H2BC1: variants seen among roughly 807,000 people sequenced by gnomAD.
H2BC1 encodes H2B clustered histone 1.
Under a neutral mutation model 5.4 loss-of-function variants are expected in H2BC1, and 5 were observed. The ratio of observed to expected loss-of-function variants is 0.92; its 90% confidence interval spans 0.48 to 1.94. H2BC1 has a LOEUF of 1.94. Ranked by LOEUF, H2BC1 falls within the 30% of genes most tolerant of loss-of-function variation. The pLI is 0.01. For synonymous variants in H2BC1, 131 were observed against 58.2 expected, an observed-to-expected ratio of 2.25 and a Z score of -5.69; for missense variants, 210 against 159.1, an observed-to-expected ratio of 1.32 and a Z score of -1.72.
chr6:25,726,868 T>C lies in H2BC1; in HGVS notation c.-41T>C, dbSNP rs370986340. The C allele has an allele frequency of 1.3e-6, 2 of 1,573,248 alleles. No homozygotes were observed. The highest frequency in any genetic ancestry group is 1.7e-6 in the Non-Finnish European group (2 of 1,162,436). On this transcript the variant is annotated 5_prime_UTR_variant, in exon 1 of 1. Coordinates refer to ENST00000274764, the MANE Select transcript of H2BC1 (RefSeq NM_170610.3). The stretch of plus-strand genomic sequence containing the variant: ...AGCACTGGAAAGTGCTGTGTAACCC[T>C]GGAAAAGAACCGTGTAACGCTGCAG...
rs1760276060 is a variant in H2BC1 at position 25,726,972 on chromosome 6, A to AT, written c.64_65insT (p.Lys22IlefsTer15). 2 of 1,614,078 alleles carry AT rather than the reference A, an allele frequency of 1.2e-6. No individual in the cohort carries two copies. Among genetic ancestry groups the AT allele is most frequent in the African/African-American group, 1.3e-5 (1 of 74,922 alleles). ...GAAGGGCTTTAAGAAAGCTGTCGTT[A>AT]AGACCCAGAAAAAGGAAGGCAAAAA... On this transcript the variant is annotated frameshift_variant, in exon 1 of 1. Transcript: ENST00000274764. LOFTEE classifies it low-confidence loss of function (END_TRUNC).
In H2BC1 at chr6:25,726,825, A is replaced by G. The variant is rs1760266415; in HGVS notation, c.-84A>G. Reference sequence around the variant, plus strand: ...GAGCTGAGGTCATTTGGAGCTGTTTAATACTGAAGAGCTGTTGAGCACTGG... The same window carrying G: ...GAGCTGAGGTCATTTGGAGCTGTTTGATACTGAAGAGCTGTTGAGCACTGG... On this transcript the variant is annotated 5_prime_UTR_variant, in exon 1 of 1. Transcript: ENST00000274764. 1 of 1,468,550 alleles carries G rather than the reference A, an allele frequency of 6.8e-7. No individual in the cohort carries two copies. The highest frequency in any genetic ancestry group is 9.2e-7 in the Non-Finnish European group (1 of 1,088,790). The allele number at this position is 1,468,550 out of a possible 1,614,324, so 91.0% of individuals were successfully genotyped here. A position where few individuals can be genotyped will look rare whatever the true frequency, so the allele number is the denominator to read the frequency against.
chr6:25,727,262 G>A lies in H2BC1; in HGVS notation c.354G>A (p.Lys118=), dbSNP rs1241678132. Reference sequence around the variant, plus strand: ...AACATGCTGTGTCTGAGGGCACCAAGGCTGTCACTAAGTACACCAGCTCCA... The same window carrying A: ...AACATGCTGTGTCTGAGGGCACCAAAGCTGTCACTAAGTACACCAGCTCCA... ...LAKHAVSEGT[K]AVTKYTSSK Residue 118 remains lysine (K), a synonymous_variant, in exon 1 of 1, where the codon AAG becomes AAA. Transcript: ENST00000274764. 3 of 1,610,096 alleles carry A rather than the reference G, an allele frequency of 1.9e-6. No homozygotes were observed. The highest frequency in any genetic ancestry group is 1.7e-5 in the Admixed American group (1 of 59,862).
At position 25,727,016 on chromosome 6, in the gene H2BC1, GGA is replaced by G. The variant is rs745912988; in HGVS notation, c.112_113del (p.Ser38LeufsTer32). On this transcript the variant is annotated frameshift_variant, in exon 1 of 1. Transcript: ENST00000274764. LOFTEE classifies it high-confidence loss of function. ...EGKKRKRTRK[E>X]SYSIYIYKVL... ...GCAAAAAGCGCAAGAGGACCCGTAA[GGA>G]GAGTTATTCTATTTACATCTACAAA... 4.3e-6 allele frequency: 7 copies of G among 1,614,078 alleles called. No individual in the cohort carries two copies. The highest frequency in any genetic ancestry group is 5.9e-6 in the Non-Finnish European group (7 of 1,180,038).
chr6:25,726,884 A>G lies in H2BC1; in HGVS notation c.-25A>G. The G allele has an allele frequency of 6.3e-7, 1 of 1,596,336 alleles. No homozygotes were observed. Among genetic ancestry groups the G allele is most frequent in the Non-Finnish European group, 8.5e-7 (1 of 1,172,372 alleles). On this transcript the variant is annotated 5_prime_UTR_variant, in exon 1 of 1. Transcript: ENST00000274764. ...GTGTAACCCTGGAAAAGAACCGTGTAACGCTGCAGAAGTGTGTGGTAGCTA... is the reference window on the plus strand; with the variant it reads ...GTGTAACCCTGGAAAAGAACCGTGTGACGCTGCAGAAGTGTGTGGTAGCTA...
At position 25,727,138 on chromosome 6, in the gene H2BC1, G is replaced by A. The variant is rs753295081; in HGVS notation, c.230G>A (p.Ser77Asn). The change falls in exon 1 of 1, where the codon AGC (serine) becomes AAC (asparagine). Residue 77 changes from serine (S) to asparagine (N), a missense_variant. Physicochemically the swap from Ser to Asn is conservative, Grantham distance 46. Coordinates refer to ENST00000274764, the MANE Select transcript of H2BC1 (RefSeq NM_170610.3). ...FVTDIFERIA[S>N]EASRLAHYSK... Reference sequence around the variant, plus strand: ...ACTGATATCTTTGAGCGTATAGCGAGCGAGGCATCACGTTTGGCTCACTAC... The same window carrying A: ...ACTGATATCTTTGAGCGTATAGCGAACGAGGCATCACGTTTGGCTCACTAC... 6.7e-5 allele frequency: 108 copies of A among 1,614,070 alleles called. No homozygotes were observed. The South Asian group carries it at 7.7e-4, about 11-fold the overall frequency.
rs1477414251 is a variant in H2BC1, at chr6:25,727,113, A to G, written c.205A>G (p.Thr69Ala). 10 of 1,614,106 alleles carry G rather than the reference A, an allele frequency of 6.2e-6. No homozygotes were observed. The highest frequency in any genetic ancestry group is 8.5e-6 in the Non-Finnish European group (10 of 1,180,046). ...KAMSIMNSFV[T>A]DIFERIASEA... ...TATGAGCATTATGAATTCCTTCGTCACTGATATCTTTGAGCGTATAGCGAG... is the reference window on the plus strand; with the variant it reads ...TATGAGCATTATGAATTCCTTCGTCGCTGATATCTTTGAGCGTATAGCGAG... The change falls in exon 1 of 1, where the codon ACT becomes GCT. Residue 69 changes from threonine (T) to alanine (A), a missense_variant. Coordinates refer to ENST00000274764, the MANE Select transcript of H2BC1 (RefSeq NM_170610.3).
rs1468224750 is a variant in H2BC1 at position 25,726,955 on chromosome 6, T to TA, written c.47_48insA (p.Phe16LeufsTer2). 5.0e-6 allele frequency: 8 copies of TA among 1,613,922 alleles called. No homozygotes were observed. Among genetic ancestry groups the TA allele is most frequent in the Non-Finnish European group, 5.9e-6 (7 of 1,180,028 alleles). On this transcript the variant is annotated frameshift_variant, in exon 1 of 1. Transcript: ENST00000274764. LOFTEE classifies it low-confidence loss of function (END_TRUNC). Reference sequence around the variant, plus strand: ...GGTGCTACCATTTCCAAGAAGGGCTTTAAGAAAGCTGTCGTTAAGACCCAG... The same window carrying TA: ...GGTGCTACCATTTCCAAGAAGGGCTTATAAGAAAGCTGTCGTTAAGACCCAG...
chr6:25,726,969 G>C lies in H2BC1; in HGVS notation c.61G>C (p.Val21Leu). The stretch of plus-strand genomic sequence containing the variant: ...CAAGAAGGGCTTTAAGAAAGCTGTC[G>C]TTAAGACCCAGAAAAAGGAAGGCAA... Reference protein sequence around the residue: ...ISKKGFKKAVVKTQKKEGKKR... With the variant: ...ISKKGFKKAVLKTQKKEGKKR... Residue 21 changes from valine (V) to leucine (L), a missense_variant, in exon 1 of 1, where the codon GTT becomes CTT. Transcript: ENST00000274764. The C allele has an allele frequency of 6.2e-7, 1 of 1,614,126 alleles. No individual in the cohort carries two copies. The highest frequency in any genetic ancestry group is 8.5e-7 in the Non-Finnish European group (1 of 1,180,012).
rs181270292 is a variant in H2BC1, at chr6:25,726,850, G to T, written c.-59G>T. The T allele has an allele frequency of 7.5e-4, 1,160 of 1,544,398 alleles. 6 individuals are homozygous for T. The Middle Eastern group carries it at 0.013, about 17-fold the overall frequency. On this transcript the variant is annotated 5_prime_UTR_variant, in exon 1 of 1. Transcript: ENST00000274764. The stretch of plus-strand genomic sequence containing the variant: ...AATACTGAAGAGCTGTTGAGCACTG[G>T]AAAGTGCTGTGTAACCCTGGAAAAG...
rs142058498 is a variant in H2BC1, at chr6:25,726,985, A to G, written c.77A>G (p.Lys26Arg). Residue 26 changes from lysine (K) to arginine (R), a missense_variant, in exon 1 of 1, where the codon AAG (lysine) becomes AGG (arginine). Coordinates refer to ENST00000274764, the MANE Select transcript of H2BC1 (RefSeq NM_170610.3). ...AAAGCTGTCGTTAAGACCCAGAAAA[A>G]GGAAGGCAAAAAGCGCAAGAGGACC... ...FKKAVVKTQK[K>R]EGKKRKRTRK... is the part of the protein sequence containing the mutation. 68 of 1,614,052 alleles carry G rather than the reference A, an allele frequency of 4.2e-5. No homozygotes were observed. In the African/African-American group the frequency reaches 8.8e-4, roughly 21 times the overall value.
At position 25,726,788 on chromosome 6, in the gene H2BC1, T is replaced by G. The variant is rs1269169759; in HGVS notation, c.-121T>G. 1 of 1,285,446 alleles carries G rather than the reference T, an allele frequency of 7.8e-7. No homozygotes were observed. The highest frequency in any genetic ancestry group is 1.1e-6 in the Non-Finnish European group (1 of 928,364). The allele number at this position is 1,285,446 out of a possible 1,614,324, so 79.6% of individuals were successfully genotyped here. On this transcript the variant is annotated 5_prime_UTR_variant, in exon 1 of 1. Coordinates refer to ENST00000274764, the MANE Select transcript of H2BC1 (RefSeq NM_170610.3). Reference sequence around the variant, plus strand: ...CATCCTCCAGTTCTGTTTGTTTACTTGGCGAGACTTGGAGCTGAGGTCATT... The same window carrying G: ...CATCCTCCAGTTCTGTTTGTTTACTGGGCGAGACTTGGAGCTGAGGTCATT...
chr6:25,726,995 A>G lies in H2BC1; in HGVS notation c.87A>G (p.Lys29=), dbSNP rs1760278280. ...AVVKTQKKEG[K]KRKRTRKESY... is the part of the protein sequence containing the mutation. Reference sequence around the variant, plus strand: ...TTAAGACCCAGAAAAAGGAAGGCAAAAAGCGCAAGAGGACCCGTAAGGAGA... The same window carrying G: ...TTAAGACCCAGAAAAAGGAAGGCAAGAAGCGCAAGAGGACCCGTAAGGAGA... The change falls in exon 1 of 1, where the codon AAA becomes AAG. Residue 29 remains lysine, a synonymous_variant. Coordinates refer to ENST00000274764, the MANE Select transcript of H2BC1 (RefSeq NM_170610.3). 3 of 1,614,114 alleles carry G rather than the reference A, an allele frequency of 1.9e-6. No homozygotes were observed. The highest frequency in any genetic ancestry group is 2.5e-6 in the Non-Finnish European group (3 of 1,180,040).
In H2BC1 at chr6:25,727,159, A is replaced by C; in HGVS notation, c.251A>C (p.His84Pro). 1.9e-6 allele frequency: 3 copies of C among 1,614,192 alleles called. No individual in the cohort carries two copies. Among genetic ancestry groups the C allele is most frequent in the Non-Finnish European group, 2.5e-6 (3 of 1,180,040 alleles). Reference protein sequence around the residue: ...RIASEASRLAHYSKRSTISSR... With the variant: ...RIASEASRLAPYSKRSTISSR... ...GCGAGCGAGGCATCACGTTTGGCTC[A>C]CTACAGCAAGCGCTCCACCATTTCT... Residue 84 changes from histidine (H) to proline (P), a missense_variant, in exon 1 of 1, where the codon CAC becomes CCC. By Grantham distance (77) the His-to-Pro change is moderately conservative. Transcript: ENST00000274764.
rs368207542 is a variant in H2BC1, at chr6:25,727,329, C to T, written c.*37C>T. 7 of 1,531,364 alleles carry T rather than the reference C, an allele frequency of 4.6e-6. No individual in the cohort carries two copies. In the African/African-American group the frequency reaches 9.7e-5, roughly 21 times the overall value. 94.9% of individuals were successfully genotyped at this position (1,531,364 alleles called of 1,614,324 possible). A position where few individuals can be genotyped will look rare whatever the true frequency, so the allele number is the denominator to read the frequency against. ...AAACGTCATTTCTAACCCAAAGGCT[C>T]TTTTCAGAGCCACTTAAACATACTG... is the stretch of plus-strand genomic sequence containing the variant. On this transcript the variant is annotated 3_prime_UTR_variant, in exon 1 of 1. Transcript: ENST00000274764.
Position 25,726,827 on chromosome 6 carries a change from TAC to T in H2BC1, c.-81_-80del. On this transcript the variant is annotated 5_prime_UTR_variant, in exon 1 of 1. Coordinates refer to ENST00000274764, the MANE Select transcript of H2BC1 (RefSeq NM_170610.3). ...GCTGAGGTCATTTGGAGCTGTTTAA[TAC>T]TGAAGAGCTGTTGAGCACTGGAAAG... is the stretch of plus-strand genomic sequence containing the variant. The T allele has an allele frequency of 2.7e-6, 4 of 1,483,858 alleles. No homozygotes were observed. Among genetic ancestry groups the T allele is most frequent in the Non-Finnish European group, 3.6e-6 (4 of 1,101,494 alleles). 91.9% of individuals were successfully genotyped at this position (1,483,858 alleles called of 1,614,324 possible).
chr6:25,727,298 C>CT lies in H2BC1; in HGVS notation c.*7dup. 1.3e-6 allele frequency: 2 copies of CT among 1,581,042 alleles called. No homozygotes were observed. The highest frequency in any genetic ancestry group is 1.7e-6 in the Non-Finnish European group (2 of 1,162,576). On this transcript the variant is annotated 3_prime_UTR_variant, in exon 1 of 1. Coordinates refer to ENST00000274764, the MANE Select transcript of H2BC1 (RefSeq NM_170610.3). ...AGTACACCAGCTCCAAGTAAGCCTG[C>CT]TAAGTAAACGTCATTTCTAACCCAA...
Position 25,726,968 on chromosome 6 carries a change from C to G in H2BC1, c.60C>G (p.Val20=). ...CCAAGAAGGGCTTTAAGAAAGCTGTCGTTAAGACCCAGAAAAAGGAAGGCA... is the reference window on the plus strand; with the variant it reads ...CCAAGAAGGGCTTTAAGAAAGCTGTGGTTAAGACCCAGAAAAAGGAAGGCA... ...TISKKGFKKA[V]VKTQKKEGKK... is the part of the protein sequence containing the mutation. Residue 20 remains valine (V), a synonymous_variant, in exon 1 of 1, where the codon GTC becomes GTG. Transcript: ENST00000274764. 1 of 1,613,974 alleles carries G rather than the reference C, an allele frequency of 6.2e-7. No individual in the cohort carries two copies. The highest frequency in any genetic ancestry group is 8.5e-7 in the Non-Finnish European group (1 of 1,179,990).
At position 25,726,791 on chromosome 6, in the gene H2BC1, C is replaced by T. The variant is rs568949814; in HGVS notation, c.-118C>T. 3.1e-5 allele frequency: 41 copies of T among 1,310,216 alleles called. No homozygotes were observed. The highest frequency in any genetic ancestry group is 2.3e-4 in the Middle Eastern group (1 of 4,364). The allele number at this position is 1,310,216 out of a possible 1,614,324, so 81.2% of individuals were successfully genotyped here. A position where few individuals can be genotyped will look rare whatever the true frequency, so the allele number is the denominator to read the frequency against. On this transcript the variant is annotated 5_prime_UTR_variant, in exon 1 of 1. Transcript: ENST00000274764. ...CCTCCAGTTCTGTTTGTTTACTTGG[C>T]GAGACTTGGAGCTGAGGTCATTTGG...
Sources: gnomAD v4.1 joint callset for allele counts on GRCh38, gnomAD v4.1.1 for gene constraint, MANE v1.5 for transcripts, NCBI Gene and HGNC (gene_info 2026-07-23, HGNC 2026-07-21) for gene names.